Variants in ZNF521 observed in about 807,000 individuals in gnomAD.
ZNF521 encodes the protein zinc finger protein 521.
In ZNF521, 14 loss-of-function variants were observed where a neutral mutation model predicts 105.5. The observed-to-expected ratio is 0.13, with a 90% CI of 0.09 to 0.21. ZNF521 has a LOEUF of 0.21. Among genes scored for constraint, ZNF521 ranks in the 10% least tolerant of loss-of-function variants. The pLI is 1.00. For synonymous variants in ZNF521, 635 were observed against 606.0 expected, an observed-to-expected ratio of 1.05 and a Z score of -0.70; for missense variants, 1,233 against 1,629.7, an observed-to-expected ratio of 0.76 and a Z score of 4.19.
At chr18:25,130,277 T>A (rs62083873) in intron 5 of ZNF521, among the ~76,000 whole-genome samples, 2,539 of 152,312 alleles carry the variant, frequency 0.017, 33 homozygotes, top group Middle Eastern at 0.071. Context: ...TATGACATTC[T>A]GCAAAAGGCA....
intron 5 of ZNF521, among the ~76,000 whole-genome samples, chr18:25,106,907 C>T (rs1439213114): frequency 6.6e-6 from 1 of 152,088 alleles, no homozygotes; most frequent in East Asian, 1.9e-4. Flanking sequence ...TGTACTAGGC[C>T]TGGTATGTTA....
At chr18:25,321,919 T>C in intron 3 of ZNF521, 89 bp downstream of exon 3, 1 of 1,271,630 alleles carries the variant, frequency 7.9e-7, no homozygotes, top group Non-Finnish European at 1.1e-6. Flanking sequence ...AATAAAATAA[T>C]TTGAAGAGAA....
intron 4 of ZNF521, chr18:25,202,448 G>T (rs1300357615): frequency 6.6e-6 from 1 of 152,070 alleles, no homozygotes; most frequent in Non-Finnish European, 1.5e-5. Context: ...AGCATCCGCA[G>T]GGCATCCCGG....
chr18:25,337,287 G>A (rs1913945798), intron 2 of ZNF521, among the ~76,000 whole-genome samples: 1 of 152,110 alleles, frequency 6.6e-6, no homozygotes, highest in African/African-American at 2.4e-5. Context: ...AGTTACAAGG[G>A]AAAGCGCTGA....
At chr18:25,103,792 A>AAGGG (rs1257635709) in intron 5 of ZNF521, among the ~76,000 whole-genome samples, 3 of 48,066 alleles carry the variant, frequency 6.2e-5, no homozygotes, top group South Asian at 1.2e-3. Flanking sequence ...GAGAGGAAGG[A>AAGGG]AGGGAGGGAG....
rs532626100 is a variant in ZNF521, at chr18:25,064,060, G to A, written c.3907-1319C>T. On this transcript the variant is annotated intron_variant, in intron 7 of 7. Coordinates refer to ENST00000361524, the MANE Select transcript of ZNF521 (RefSeq NM_015461.3). ...TCATCTACAAGCATCTATTGAAAAC[G>A]CACATCAGCACCTGGCACATGCCAG... 2.6e-5 allele frequency among the ~76,000 whole-genome samples: 4 copies of A among 152,288 alleles called. No individual in the cohort carries two copies. In the East Asian group the frequency reaches 7.7e-4, roughly 29 times the overall value.
At chr18:25,089,931 T>C (rs964095318) in intron 6 of ZNF521, among the ~76,000 whole-genome samples, 1 of 152,278 alleles carries the variant, frequency 6.6e-6, no homozygotes, top group Admixed American at 6.5e-5. Flanking sequence ...TAAGAAATCA[T>C]AGATGCCAAA....
chr18:25,104,367 T>C (rs897469753), intron 5 of ZNF521, among the ~76,000 whole-genome samples: 10 of 152,226 alleles, frequency 6.6e-5, no homozygotes, highest in African/African-American at 2.2e-4. Flanking sequence ...CTGTTTTGCC[T>C]TGCATGATAT....
intron 2 of ZNF521, among the ~76,000 whole-genome samples, chr18:25,322,644 G>A (rs528758262): frequency 3.3e-5 from 5 of 150,614 alleles, no homozygotes; most frequent in Middle Eastern, 3.5e-3. Context: ...TCTAGAATAA[G>A]CTAAGCCAAT....
intron 2 of ZNF521, among the ~76,000 whole-genome samples, chr18:25,340,054 G>A (rs561091678): frequency 6.6e-6 from 1 of 152,270 alleles, no homozygotes; most frequent in African/African-American, 2.4e-5. Flanking sequence ...TTAAAATGCT[G>A]TCTTTAAAGC....
intron 3 of ZNF521, among the ~76,000 whole-genome samples, chr18:25,248,402 C>A (rs1190817639): frequency 6.6e-6 from 1 of 152,154 alleles, no homozygotes; most frequent in Admixed American, 6.5e-5. Context: ...GCCTGCCTCT[C>A]CTGGAAAAGA....
At chr18:25,312,571 G>A (rs1912371266) in intron 3 of ZNF521, among the ~76,000 whole-genome samples, 1 of 37,106 alleles carries the variant, frequency 2.7e-5, no homozygotes, top group Non-Finnish European at 6.3e-5. Context: ...CCAGCACTTT[G>A]GGAGGCCGAG....
chr18:25,223,616 G>T (rs957257411), intron 4 of ZNF521, among the ~76,000 whole-genome samples: 2 of 151,272 alleles, frequency 1.3e-5, no homozygotes, highest in African/African-American at 4.9e-5. Context: ...CTTATGAAAT[G>T]ATTTCATTAT....
chr18:25,178,203 A>C (rs1050056618), intron 5 of ZNF521, among the ~76,000 whole-genome samples: 5 of 152,234 alleles, frequency 3.3e-5, no homozygotes, highest in Non-Finnish European at 7.3e-5. Context: ...TCCTATAGTG[A>C]ATTCATATAC....
chr18:25,134,868 T>C (rs2034704604), intron 5 of ZNF521, among the ~76,000 whole-genome samples: 1 of 151,964 alleles, frequency 6.6e-6, no homozygotes, highest in African/African-American at 2.4e-5. Flanking sequence ...GAGGAGAAGA[T>C]CCAAGCAAGT....
chr18:25,323,643 C>T (rs1913052398), intron 2 of ZNF521, among the ~76,000 whole-genome samples: 1 of 152,144 alleles, frequency 6.6e-6, no homozygotes, highest in Admixed American at 6.6e-5. Flanking sequence ...ATGTTACAAT[C>T]AAGAATCCAC....
intron 1 of ZNF521, 65 bp from the exon 2 acceptor site, chr18:25,351,012 G>A (rs571537787): frequency 3.6e-6 from 5 of 1,377,982 alleles, no homozygotes; most frequent in Non-Finnish European, 1.9e-6. Context: ...CCTCGTGGCC[G>A]CGCGCCCCTC....
intron 3 of ZNF521, among the ~76,000 whole-genome samples, chr18:25,320,117 C>T (rs1326016069): frequency 6.6e-6 from 1 of 152,126 alleles, no homozygotes; most frequent in Non-Finnish European, 1.5e-5. Flanking sequence ...AAGACAACTG[C>T]TGAAATTTAA....
intron 3 of ZNF521, among the ~76,000 whole-genome samples, chr18:25,298,351 C>T (rs1247502446): frequency 1.3e-5 from 2 of 152,152 alleles, no homozygotes; most frequent in African/African-American, 4.8e-5. Flanking sequence ...TATATACTAC[C>T]TGTATTTCGG....
Sources: gnomAD v4.1 joint callset for allele counts (sites outside exome capture counted in the v4.1 genomes callset) on GRCh38, gnomAD v4.1.1 for gene constraint, MANE v1.5 for transcripts, NCBI Gene and HGNC (gene_info 2026-07-23, HGNC 2026-07-21) for gene names.